ATG10: variants seen among roughly 807,000 people sequenced by gnomAD.
ATG10 encodes the protein ubiquitin-like-conjugating enzyme ATG10.
In ATG10, 30 loss-of-function variants were observed where a neutral mutation model predicts 32.1. The observed-to-expected ratio is 0.94, with a 90% CI of 0.70 to 1.27. The LOEUF is 1.27. ATG10 is among the 50% of genes most tolerant of loss of function. The pLI, the probability that ATG10 is intolerant of heterozygous loss-of-function variation, is 0.00. For missense variants in ATG10, 233 were observed against 262.3 expected, an observed-to-expected ratio of 0.89 and a Z score of 0.77; for synonymous variants, 87 against 91.5, an observed-to-expected ratio of 0.95 and a Z score of 0.28.
At chr5:82,081,710 A>G (rs1764487855) in intron 3 of ATG10, among the ~76,000 whole-genome samples, 1 of 152,208 alleles carries the variant, frequency 6.6e-6, no homozygotes, top group African/African-American at 2.4e-5. Flanking sequence ...GATGAAACCC[A>G]CTTGATCATG....
At chr5:82,155,934 A>C (rs1245947652) in intron 3 of ATG10, among the ~76,000 whole-genome samples, 1 of 152,152 alleles carries the variant, frequency 6.6e-6, no homozygotes, top group East Asian at 1.9e-4. Context: ...TCTACTGTTG[A>C]ATATAATAAT....
chr5:82,073,510 C>T (rs1764187869), intron 3 of ATG10: 3 of 152,102 alleles, frequency 2.0e-5, no homozygotes, highest in Admixed American at 2.0e-4. Context: ...CCTGCTTTCC[C>T]TCCTTCTGTG....
At chr5:82,227,688 T>A (rs1454888244) in intron 5 of ATG10, among the ~76,000 whole-genome samples, 3 of 152,102 alleles carry the variant, frequency 2.0e-5, no homozygotes, top group East Asian at 3.9e-4. Context: ...AATTCATGTT[T>A]TTAAGTCAGG....
intron 2 of ATG10, among the ~76,000 whole-genome samples, chr5:82,047,412 A>G (rs1763265504): frequency 6.6e-6 from 1 of 152,232 alleles, no homozygotes; most frequent in African/African-American, 2.4e-5. Context: ...AAAGTAATTA[A>G]TAAGGAAAAC....
intron 5 of ATG10, among the ~76,000 whole-genome samples, chr5:82,201,884 T>G (rs1745082736): frequency 6.6e-6 from 1 of 152,212 alleles, no homozygotes; most frequent in Non-Finnish European, 1.5e-5. Flanking sequence ...ATATTTCAAT[T>G]TGGGATGCTA....
At chr5:82,225,067 G>A (rs566515804) in intron 5 of ATG10, among the ~76,000 whole-genome samples, 4 of 152,244 alleles carry the variant, frequency 2.6e-5, no homozygotes, top group South Asian at 4.2e-4. Context: ...TATTTTTGGT[G>A]CTCCTGTTCT....
At chr5:82,234,134 G>C (rs1444525212) in intron 5 of ATG10, among the ~76,000 whole-genome samples, 2 of 152,100 alleles carry the variant, frequency 1.3e-5, no homozygotes, top group East Asian at 3.9e-4. Context: ...TTCTGTGTCC[G>C]GTGATACCTG....
intron 3 of ATG10, among the ~76,000 whole-genome samples, chr5:82,062,374 A>G (rs1018532419): frequency 2.0e-5 from 3 of 152,082 alleles, no homozygotes; most frequent in Admixed American, 6.5e-5. Context: ...TACTCAGATT[A>G]TAACAACAGC....
At chr5:82,147,521 A>G (rs1392913371) in intron 3 of ATG10, 2 of 152,234 alleles carry the variant, frequency 1.3e-5, no homozygotes, top group African/African-American at 4.8e-5. Context: ...TGATGTTTTC[A>G]TTTTTGCAAT....
intron 3 of ATG10, among the ~76,000 whole-genome samples, chr5:82,066,216 A>G (rs1763938717): frequency 6.6e-6 from 1 of 152,122 alleles, no homozygotes; most frequent in Non-Finnish European, 1.5e-5. Flanking sequence ...TAGAATAGAG[A>G]TAACCTAGAT....
At chr5:81,995,281 C>T (rs1168599361) in intron 2 of ATG10, among the ~76,000 whole-genome samples, 1 of 152,130 alleles carries the variant, frequency 6.6e-6, no homozygotes, top group Non-Finnish European at 1.5e-5. Context: ...CAGGCATGCA[C>T]CACCATGCCT....
chr5:82,106,789 C>T (rs1436377583), intron 3 of ATG10, among the ~76,000 whole-genome samples: 3 of 151,346 alleles, frequency 2.0e-5, no homozygotes, highest in African/African-American at 7.3e-5. Context: ...CCTGATTTTC[C>T]TACCCCCTTC....
intron 5 of ATG10, among the ~76,000 whole-genome samples, chr5:82,207,282 A>T (rs1745336803): frequency 6.6e-6 from 1 of 152,232 alleles, no homozygotes; most frequent in Non-Finnish European, 1.5e-5. Flanking sequence ...TCCCATCAGC[A>T]GTGTAGGAAT....
intron 5 of ATG10, among the ~76,000 whole-genome samples, chr5:82,200,680 G>A (rs559281799): frequency 6.7e-6 from 1 of 150,238 alleles, no homozygotes; most frequent in Non-Finnish European, 1.5e-5. Flanking sequence ...TTTTAAATTA[G>A]ATTCTTTTAT....
intron 5 of ATG10, among the ~76,000 whole-genome samples, chr5:82,186,700 C>G (rs1467879934): frequency 2.7e-5 from 4 of 148,078 alleles, no homozygotes; most frequent in Non-Finnish European, 5.9e-5. Context: ...TCAAGTGATT[C>G]TTATGCCTCA....
chr5:81,984,422 AGG>A (rs1761193611), intron 1 of ATG10, among the ~76,000 whole-genome samples: 1 of 151,970 alleles, frequency 6.6e-6, no homozygotes, highest in African/African-American at 2.4e-5. Context: ...CCGTGGGGAG[AGG>A]GAGAGGGAGA....
At chr5:82,216,341 A>G (rs1001377978) in intron 5 of ATG10, among the ~76,000 whole-genome samples, 8 of 152,222 alleles carry the variant, frequency 5.3e-5, no homozygotes, top group African/African-American at 1.9e-4. Flanking sequence ...TGGTCTAAAA[A>G]TAAATCTTCT....
intron 3 of ATG10, among the ~76,000 whole-genome samples, chr5:82,157,473 C>T (rs1767850685): frequency 6.6e-6 from 1 of 152,054 alleles, no homozygotes; most frequent in Admixed American, 6.6e-5. Flanking sequence ...ACTCAGAAGC[C>T]ACAGGGATTG....
At chr5:81,988,435 A>T (rs1179729259) in intron 2 of ATG10, among the ~76,000 whole-genome samples, 1 of 151,808 alleles carries the variant, frequency 6.6e-6, no homozygotes, top group South Asian at 2.1e-4. Context: ...CACCACACCC[A>T]GCCCCAAATT....
Sources: gnomAD v4.1 joint callset for allele counts (sites outside exome capture counted in the v4.1 genomes callset) on GRCh38, gnomAD v4.1.1 for gene constraint, MANE v1.5 for transcripts, NCBI Gene and HGNC (gene_info 2026-07-23, HGNC 2026-07-21) for gene names.